The following ETV1 variants were observed in gnomAD, a reference collection of about 807,000 sequenced individuals.
ETV1 encodes ETS variant transcription factor 1.
ETV1 carries 27 observed loss-of-function variants against 62.3 expected under a neutral mutation model. The ratio of observed to expected loss-of-function variants is 0.43; its 90% CI spans 0.32 to 0.60. The LOEUF (loss-of-function observed/expected upper bound fraction) is 0.60. Ranked by LOEUF, ETV1 falls within the 20% of genes least tolerant of loss-of-function variation. The probability of loss-of-function intolerance (pLI) is 0.06; values close to 1 mark genes in which losing one functional copy is unlikely to be tolerated. For missense variants in ETV1, 605 were observed against 605.8 expected (o/e 1.00, Z 0.01); for synonymous variants, 222 against 199.6 (o/e 1.11, Z -0.94).
At chr7:13,968,431 CA>C (rs769134049) in intron 6 of ETV1, among the ~76,000 whole-genome samples, 2 of 150,814 alleles carry the variant, frequency 1.3e-5, no homozygotes, top group Non-Finnish European at 3.0e-5. Flanking sequence ...CTGGTAAAAC[CA>C]AAAATAGTGA....
intron 3 of ETV1, 187 bp from the exon 4 acceptor site, chr7:13,988,360 C>T: frequency 3.4e-6 from 2 of 588,810 alleles, no homozygotes; most frequent in Non-Finnish European, 5.9e-6. Context: ...ACAGTGAAAG[C>T]TTATGTTAAG....
intron 13 of ETV1, among the ~76,000 whole-genome samples, chr7:13,898,845 T>A (rs186790753): frequency 6.6e-6 from 1 of 152,298 alleles, no homozygotes; most frequent in Admixed American, 6.5e-5. Flanking sequence ...TATCCGAGAA[T>A]GTGATTAGCT....
chr7:13,975,562 C>CAAAAAAAA (rs765452116), intron 6 of ETV1, among the ~76,000 whole-genome samples: 2 of 41,136 alleles, frequency 4.9e-5, no homozygotes, highest in East Asian at 5.5e-4. Flanking sequence ...GACTCTGTCT[C>CAAAAAAAA]AAAAAAAAAA....
Position 13,894,835 on chromosome 7 carries a change from G to A in ETV1, c.*1031C>T, listed in dbSNP as rs1428287106. 1.3e-5 allele frequency: 3 copies of A among 232,512 alleles called. No homozygotes were observed. The highest frequency in any genetic ancestry group is 2.6e-5 in the Non-Finnish European group (3 of 117,524). 14.4% of individuals were successfully genotyped at this position (232,512 alleles called of 1,614,324 possible). A position where few individuals can be genotyped will look rare whatever the true frequency, so the allele number is the denominator to read the frequency against. On this transcript the variant is annotated 3_prime_UTR_variant, in exon 14 of 14. Coordinates refer to ENST00000430479, the MANE Select transcript of ETV1 (RefSeq NM_004956.5). ...GTAAAAGGTTTAAATGCATATCAAT[G>A]GGTACCATGTCTAAAAATTACTATA...
intron 1 of ETV1, 24 bp from the exon 2 acceptor site, chr7:13,989,488 T>C (rs1204656967): frequency 2.5e-6 from 1 of 402,584 alleles, no homozygotes; most frequent in African/African-American, 2.1e-5. Context: ...GACACCTCTT[T>C]CATCAGGATA....
At chr7:13,978,683 A>C (rs879834622) in intron 5 of ETV1, among the ~76,000 whole-genome samples, 8 of 152,008 alleles carry the variant, frequency 5.3e-5, no homozygotes, top group Non-Finnish European at 8.8e-5. Context: ...GCTTAAGAAA[A>C]AAATCTACAT....
chr7:13,989,305 A>G lies in ETV1; in HGVS notation c.-125T>C, dbSNP rs969015818. The G allele has an allele frequency of 4.1e-6, 2 of 490,184 alleles. No individual in the cohort carries two copies. Among genetic ancestry groups the G allele is most frequent in the Admixed American group, 3.8e-5 (1 of 26,012 alleles). The allele number at this position is 490,184 out of a possible 1,614,324, so 30.4% of individuals were successfully genotyped here. ...AGAGCCAACAGAGTTCACAATTTAC[A>G]TATTTTCGGTAGTAGCAAAAATCCG... On this transcript the variant is annotated 5_prime_UTR_variant, in exon 2 of 14. It removes an upstream start codon present in the reference 5' UTR. Coordinates refer to ENST00000430479, the MANE Select transcript of ETV1 (RefSeq NM_004956.5).
rs1781434265 is a variant in ETV1, at chr7:13,892,279, A to G, written c.*3587T>C. The G allele has an allele frequency of 4.3e-6, 1 of 232,558 alleles. No individual in the cohort carries two copies. The highest frequency in any genetic ancestry group is 5.6e-5 in the Admixed American group (1 of 17,768). The allele number at this position is 232,558 out of a possible 1,614,324, so 14.4% of individuals were successfully genotyped here. A position where few individuals can be genotyped will look rare whatever the true frequency, so the allele number is the denominator to read the frequency against. ...CTTCTGTTTTTCTGTTTCATGACTTAGTGTTTTCCTGGGGGCTGGGGAAGG... is the reference window on the plus strand; with the variant it reads ...CTTCTGTTTTTCTGTTTCATGACTTGGTGTTTTCCTGGGGGCTGGGGAAGG... On this transcript the variant is annotated 3_prime_UTR_variant, in exon 14 of 14. Coordinates refer to ENST00000430479, the MANE Select transcript of ETV1 (RefSeq NM_004956.5).
intron 11 of ETV1, chr7:13,907,904 A>T (rs1272048382): frequency 2.2e-6 from 1 of 463,936 alleles, no homozygotes; most frequent in Non-Finnish European, 4.5e-6. Context: ...TAAAATCATT[A>T]TGTTGTTTTG....
chr7:13,929,096 C>T (rs948718015), intron 9 of ETV1, among the ~76,000 whole-genome samples: 15 of 152,126 alleles, frequency 9.9e-5, no homozygotes, highest in Non-Finnish European at 1.5e-5. Context: ...TTAAAAACTA[C>T]AACAAATTAA....
At chr7:13,944,318 C>G (rs1379211946) in intron 6 of ETV1, among the ~76,000 whole-genome samples, 1 of 152,178 alleles carries the variant, frequency 6.6e-6, no homozygotes, top group Non-Finnish European at 1.5e-5. Context: ...AGCATCAAGT[C>G]ACCAGCAGAT....
At chr7:13,914,851 A>G (rs1456849918) in intron 9 of ETV1, among the ~76,000 whole-genome samples, 1 of 152,114 alleles carries the variant, frequency 6.6e-6, no homozygotes, top group Non-Finnish European at 1.5e-5. Context: ...AATTTCAAGG[A>G]TCTACATCAG....
intron 6 of ETV1, among the ~76,000 whole-genome samples, chr7:13,959,313 CTA>C (rs1290839922): frequency 6.6e-6 from 1 of 152,142 alleles, no homozygotes; most frequent in African/African-American, 2.4e-5. Context: ...CTGAGCCTAA[CTA>C]GTAGGACTCC....
chr7:13,949,679 T>G (rs1788574033), intron 6 of ETV1, among the ~76,000 whole-genome samples: 2 of 152,166 alleles, frequency 1.3e-5, no homozygotes, highest in South Asian at 4.2e-4. Context: ...TTGTTTACAG[T>G]GCCTGAAGAA....
chr7:13,901,634 G>C (rs1475279195), intron 12 of ETV1, among the ~76,000 whole-genome samples: 4 of 152,198 alleles, frequency 2.6e-5, no homozygotes, highest in African/African-American at 2.4e-5. Flanking sequence ...AAGTGACAAT[G>C]TGTGTAGCAG....
chr7:13,978,831 A>G (rs140015619), intron 5 of ETV1, among the ~76,000 whole-genome samples: 2 of 152,210 alleles, frequency 1.3e-5, no homozygotes, highest in East Asian at 3.9e-4. Context: ...TATATTATGA[A>G]GAGCATAAGA....
intron 6 of ETV1, among the ~76,000 whole-genome samples, chr7:13,966,403 C>T (rs975935753): frequency 1.3e-5 from 2 of 151,980 alleles, no homozygotes; most frequent in East Asian, 1.9e-4. Flanking sequence ...GGGGCCAAGG[C>T]GGGAGGATTG....
At chr7:13,929,800 C>T (rs113842826) in intron 9 of ETV1, among the ~76,000 whole-genome samples, 1 of 152,092 alleles carries the variant, frequency 6.6e-6, no homozygotes, top group South Asian at 2.1e-4. Flanking sequence ...CATGCCTCAA[C>T]GGGGCCAATT....
chr7:13,903,104 T>A (rs1012338628), intron 12 of ETV1, among the ~76,000 whole-genome samples: 4 of 152,086 alleles, frequency 2.6e-5, no homozygotes, highest in African/African-American at 9.7e-5. Flanking sequence ...ATCGCCACCA[T>A]ATCCAACACC....
Sources: gnomAD v4.1 joint callset for allele counts (sites outside exome capture counted in the v4.1 genomes callset) on GRCh38, gnomAD v4.1.1 for gene constraint, MANE v1.5 for transcripts, NCBI Gene and HGNC (gene_info 2026-07-23, HGNC 2026-07-21) for gene names.